CIROZ: variants seen among roughly 807,000 people sequenced by gnomAD.
CIROZ encodes ciliated left-right organizer protein containing ZP-N domains, also known as ciliated left-right organizer ZP-N domains-containing protein.
the CIROZ span, chr1:10,966,464 T>A: frequency 1.3e-6 from 2 of 1,534,492 alleles, no homozygotes. Context: ...ATCCAGGTGG[T>A]CAGGGGACCT....
the CIROZ span, chr1:10,949,542 G>A: frequency 4.0e-6 from 6 of 1,485,952 alleles, no homozygotes; most frequent in Non-Finnish European, 5.5e-6. Context: ...AGGGCCTCAG[G>A]CCCAGCTGGG....
chr1:10,948,844 T>C, the CIROZ span: 1 of 1,486,416 alleles, frequency 6.7e-7, no homozygotes, highest in Non-Finnish European at 9.0e-7. Flanking sequence ...CCAAGCCCCT[T>C]CTTCACCAAG....
chr1:10,954,127 C>T, the CIROZ span: 89 of 1,612,458 alleles, frequency 5.5e-5, no homozygotes, highest in South Asian at 5.5e-4. Flanking sequence ...GGGGTTCCTC[C>T]GACTTCTTGG....
At chr1:10,957,963 C>A in the CIROZ span, among the ~76,000 whole-genome samples, 11 of 152,340 alleles carry the variant, frequency 7.2e-5, no homozygotes, top group Non-Finnish European at 1.6e-4. Context: ...AGGTCCCTTG[C>A]AGGGGTGCCT....
the CIROZ span, among the ~76,000 whole-genome samples, chr1:10,952,077 C>T: frequency 2.0e-5 from 3 of 152,024 alleles, no homozygotes; most frequent in Admixed American, 6.6e-5. Flanking sequence ...AAGGGCAAGG[C>T]GGCAAGATAA....
At chr1:10,947,675 C>A in the CIROZ span, 1 of 1,503,682 alleles carries the variant, frequency 6.7e-7, no homozygotes, top group East Asian at 2.3e-5. Context: ...AGCGTGAGGG[C>A]CTCTCAGAAA....
At chr1:10,957,235 G>A in the CIROZ span, 4 of 716,764 alleles carry the variant, frequency 5.6e-6, no homozygotes, top group African/African-American at 3.6e-5. Context: ...GTGTTACAAA[G>A]CCCAGGTCAG....
chr1:10,948,299 C>T, the CIROZ span: 2 of 1,613,692 alleles, frequency 1.2e-6, no homozygotes, highest in Non-Finnish European at 1.7e-6. Flanking sequence ...TTTCCTGGGG[C>T]TCTCCGGGAG....
At chr1:10,979,271 G>A in the CIROZ span, among the ~76,000 whole-genome samples, 1 of 152,130 alleles carries the variant, frequency 6.6e-6, no homozygotes, top group Non-Finnish European at 1.5e-5. Context: ...TGGGATTACA[G>A]GTGTGGGCCA....
chr1:10,964,392 G>A, the CIROZ span: 1 of 1,213,242 alleles, frequency 8.2e-7, no homozygotes, highest in Non-Finnish European at 1.1e-6. Flanking sequence ...TAGAAGGTGG[G>A]CTTGTGGAAG....
chr1:10,954,055 C>A, the CIROZ span: 1 of 1,613,782 alleles, frequency 6.2e-7, no homozygotes, highest in Non-Finnish European at 8.5e-7. Flanking sequence ...GTCCAGAGGA[C>A]CGGGGCAGCC....
At chr1:10,964,158 T>C in the CIROZ span, 1 of 1,614,056 alleles carries the variant, frequency 6.2e-7, no homozygotes, top group Non-Finnish European at 8.5e-7. Flanking sequence ...AGTGGACGCT[T>C]TCCTGGCCCA....
At chr1:10,949,354 G>A in the CIROZ span, 4 of 518,776 alleles carry the variant, frequency 7.7e-6, no homozygotes, top group African/African-American at 5.8e-5. Context: ...TGCCTCCTTT[G>A]GCTGTGTCTC....
the CIROZ span, chr1:10,949,486 G>A: frequency 0.041 from 39,896 of 981,140 alleles, 1,559 homozygotes; most frequent in African/African-American, 0.18. Context: ...TAACATGGTT[G>A]GGGATCAGAG....
chr1:10,967,074 G>A, the CIROZ span, among the ~76,000 whole-genome samples: 32 of 150,930 alleles, frequency 2.1e-4, no homozygotes, highest in African/African-American at 3.7e-4. Context: ...ACTTGAACCC[G>A]GAAGGTGGAG....
chr1:10,958,981 G>A, the CIROZ span, among the ~76,000 whole-genome samples: 1 of 152,178 alleles, frequency 6.6e-6, no homozygotes, highest in Non-Finnish European at 1.5e-5. Context: ...CCTAGGCCCG[G>A]CCAAGGGGGC....
the CIROZ span, among the ~76,000 whole-genome samples, chr1:10,981,027 C>CA: frequency 1.3e-5 from 2 of 152,250 alleles, no homozygotes; most frequent in Non-Finnish European, 2.9e-5. Flanking sequence ...CCAAAGGCCA[C>CA]AAGCCAGCTA....
the CIROZ span, chr1:10,949,488 G>C: frequency 4.0e-6 from 4 of 1,000,766 alleles, no homozygotes; most frequent in Non-Finnish European, 5.9e-6. Flanking sequence ...ACATGGTTGG[G>C]GATCAGAGTG....
the CIROZ span, among the ~76,000 whole-genome samples, chr1:10,979,764 T>C: frequency 2.0e-5 from 3 of 152,164 alleles, no homozygotes; most frequent in Admixed American, 2.0e-4. Flanking sequence ...GAAACTACTA[T>C]TGGACGGGTG....
Sources: gnomAD v4.1 joint callset for allele counts (sites outside exome capture counted in the v4.1 genomes callset) on GRCh38, gnomAD v4.1.1 for gene constraint, MANE v1.5 for transcripts, NCBI Gene and HGNC (gene_info 2026-07-23, HGNC 2026-07-21) for gene names.